ABCA1: variants seen among roughly 807,000 people sequenced by gnomAD.
ABCA1 encodes the protein phospholipid-transporting ATPase ABCA1.
A neutral mutation model predicts 262.5 loss-of-function variants in ABCA1; 133 were observed. That is an observed-to-expected ratio of 0.51 (90% confidence interval 0.44 to 0.59). ABCA1 has a LOEUF of 0.59. ABCA1 is among the 20% of genes least tolerant of loss of function. The probability of loss-of-function intolerance (pLI) is 0.00; values close to 1 mark genes in which losing one functional copy is unlikely to be tolerated. For missense variants in ABCA1, 2,452 were observed against 2,777.5 expected (o/e 0.88, Z 2.63); for synonymous variants, 1,022 against 1,043.5 (o/e 0.98, Z 0.40).
Position 104,840,453 on chromosome 9 carries a change from A to G in ABCA1, c.880T>C (p.Ser294Pro). The G allele has an allele frequency of 6.2e-6, 10 of 1,614,132 alleles. No individual in the cohort carries two copies. Among genetic ancestry groups the G allele is most frequent in the Non-Finnish European group, 8.5e-6 (10 of 1,180,036 alleles). Residue 294 changes from serine to proline, a missense_variant, in exon 9 of 50, where the codon TCC becomes CCC. Around this residue, in one of 4 missense-constraint regions of ABCA1, gnomAD observed 1,032 missense variants for 1,089.7 expected, o/e 0.95. Transcript: ENST00000374736. ...EVMFLTNVNS[S>P]SSSTQIYQAV... ...TGGTAGATTTGGGTGGAGGAGCTGG[A>G]GCTGTTCACATTGGTCAGAAACATC...
chr9:104,828,244 C>T (rs1017821836), intron 15 of ABCA1, among the ~76,000 whole-genome samples: 1 of 152,176 alleles, frequency 6.6e-6, no homozygotes, highest in Non-Finnish European at 1.5e-5. Flanking sequence ...CTTCCCAGGG[C>T]AGCCCACATC....
chr9:104,791,718 C>T (rs1405601304), intron 43 of ABCA1, among the ~76,000 whole-genome samples: 1 of 152,200 alleles, frequency 6.6e-6, no homozygotes, highest in Non-Finnish European at 1.5e-5. Context: ...AATCACTGCG[C>T]CCAGCCCCAT....
intron 5 of ABCA1, among the ~76,000 whole-genome samples, chr9:104,879,418 G>C (rs968762105): frequency 1.3e-5 from 2 of 152,180 alleles, no homozygotes; most frequent in Non-Finnish European, 2.9e-5. Flanking sequence ...TCAAGTCTTT[G>C]TCCCACAGTT....
chr9:104,825,754 G>A lies in ABCA1; in HGVS notation c.2471C>T (p.Ser824Leu), dbSNP rs551884479. The part of the protein sequence containing the change: ...VEEDGFNLTT[S>L]VSMMLFDTFL... ...GGTGTCAAACAGCATCATGGAGACC[G>A]AAGTGGTGAGATTGAAGCCATCTTC... The change falls in exon 17 of 50, where the codon TCG becomes TTG. Residue 824 changes from serine to leucine, a missense_variant. Physicochemically the swap from Ser to Leu is moderately radical, Grantham distance 145 (BLOSUM62 -2). Around this residue, in one of 4 missense-constraint regions of ABCA1, gnomAD observed 1,032 missense variants for 1,089.7 expected, o/e 0.95. Transcript: ENST00000374736. 46 of 1,614,178 alleles carry A rather than the reference G, an allele frequency of 2.8e-5. No individual in the cohort carries two copies. The highest frequency in any genetic ancestry group is 1.2e-4 in the Admixed American group (7 of 60,020).
chr9:104,861,025 G>T (rs1836335422), intron 6 of ABCA1, among the ~76,000 whole-genome samples: 1 of 152,076 alleles, frequency 6.6e-6, no homozygotes, highest in South Asian at 2.1e-4. Flanking sequence ...CAAAGTGCTG[G>T]GATTATAGAC....
chr9:104,882,918 A>T, intron 5 of ABCA1, 121 bp downstream of exon 5: 1 of 1,034,206 alleles, frequency 9.7e-7, no homozygotes, highest in South Asian at 1.3e-5. Context: ...CCAGCCACCA[A>T]GGAGAAAAAC....
rs1834280646 is a variant in ABCA1 at position 104,840,578 on chromosome 9, AG to A, written c.814-60del. On this transcript the variant is annotated intron_variant, in intron 8 of 49. Transcript: ENST00000374736. ...GGGGAAGGGAGAAAAGGGCAGTGCAAGGGTTGGGGATGAGAAGAGAAAGAAA... is the reference window on the plus strand; with the variant it reads ...GGGGAAGGGAGAAAAGGGCAGTGCAAGGTTGGGGATGAGAAGAGAAAGAAA... The A allele has an allele frequency of 2.2e-5, 33 of 1,514,220 alleles. No individual in the cohort carries two copies. The East Asian group carries it at 5.1e-4, about 23-fold the overall frequency. 93.8% of individuals were successfully genotyped at this position (1,514,220 alleles called of 1,614,324 possible). A position where few individuals can be genotyped will look rare whatever the true frequency, so the allele number is the denominator to read the frequency against.
At chr9:104,841,632 G>A (rs1308873864) in intron 8 of ABCA1, among the ~76,000 whole-genome samples, 3 of 148,760 alleles carry the variant, frequency 2.0e-5, no homozygotes, top group African/African-American at 7.5e-5. Context: ...TTATACCATG[G>A]CCTGGACACT....
intron 1 of ABCA1, among the ~76,000 whole-genome samples, chr9:104,906,653 G>C (rs1841165809): frequency 6.6e-6 from 1 of 150,996 alleles, no homozygotes; most frequent in Admixed American, 6.6e-5. Flanking sequence ...CCTAAGAGGA[G>C]AGTTTGGCAA....
intron 1 of ABCA1, among the ~76,000 whole-genome samples, chr9:104,925,421 G>A (rs1027008528): frequency 8.6e-5 from 13 of 151,408 alleles, no homozygotes; most frequent in African/African-American, 2.2e-4. Context: ...GCCTGCACTC[G>A]TAGAAATACG....
intron 2 of ABCA1, among the ~76,000 whole-genome samples, chr9:104,903,308 T>C (rs891618787): frequency 2.0e-5 from 3 of 152,148 alleles, no homozygotes; most frequent in Non-Finnish European, 4.4e-5. Context: ...CTCCCAGGGC[T>C]GCAGCAAAAG....
intron 3 of ABCA1, among the ~76,000 whole-genome samples, chr9:104,888,459 T>G (rs1839410879): frequency 6.6e-6 from 1 of 152,224 alleles, no homozygotes; most frequent in African/African-American, 2.4e-5. Context: ...AGGTAGGTAT[T>G]ACTATTCTCT....
intron 1 of ABCA1, among the ~76,000 whole-genome samples, chr9:104,914,372 G>T (rs1383583925): frequency 6.6e-6 from 1 of 151,646 alleles, no homozygotes; most frequent in Non-Finnish European, 1.5e-5. Flanking sequence ...CAGCTACTCA[G>T]GAGGCTGAGC....
chr9:104,910,483 A>G (rs1232765816), intron 1 of ABCA1, among the ~76,000 whole-genome samples: 2 of 152,196 alleles, frequency 1.3e-5, no homozygotes, highest in Non-Finnish European at 1.5e-5. Context: ...GTTCTATCCA[A>G]ATAGTTCACA....
chr9:104,789,816 G>A lies in ABCA1; in HGVS notation c.5927+1106C>T, dbSNP rs116383884. Reference sequence around the variant, plus strand: ...TCCACATAATAAGTCCAGAGAAGCCGGGCGCAGTGGCTCATGCCTGTAATC... The same window carrying A: ...TCCACATAATAAGTCCAGAGAAGCCAGGCGCAGTGGCTCATGCCTGTAATC... On this transcript the variant is annotated intron_variant, in intron 44 of 49. Transcript: ENST00000374736. Among the ~76,000 whole-genome samples, 631 of 152,188 alleles carry A rather than the reference G, an allele frequency of 4.1e-3. 2 individuals carry two copies. Among genetic ancestry groups the A allele is most frequent in the African/African-American group, 0.014 (574 of 41,522 alleles).
At chr9:104,905,943 T>C (rs1841098053) in intron 1 of ABCA1, among the ~76,000 whole-genome samples, 1 of 152,182 alleles carries the variant, frequency 6.6e-6, no homozygotes, top group South Asian at 2.1e-4. Flanking sequence ...TCTCTAAGCA[T>C]CAATTTCCTC....
Position 104,855,650 on chromosome 9 carries a change from C to A in ABCA1, c.720+2872G>T, listed in dbSNP as rs1333927157. 10 of 1,459,802 alleles carry A rather than the reference C, an allele frequency of 6.9e-6. No homozygotes were observed. The African/African-American group carries it at 1.3e-4, about 19-fold the overall frequency. The allele number at this position is 1,459,802 out of a possible 1,614,324, so 90.4% of individuals were successfully genotyped here. On this transcript the variant is annotated intron_variant, in intron 7 of 49. Transcript: ENST00000374736. ...TCATATGTGTAACCAATAATCACAA[C>A]AAAGAGTCAAATATATTATGTGTAT...
Position 104,840,451 on chromosome 9 carries a change from G to A in ABCA1, c.882C>T (p.Ser294=), listed in dbSNP as rs758791638. The A allele has an allele frequency of 3.1e-6, 5 of 1,614,144 alleles. No homozygotes were observed. The highest frequency in any genetic ancestry group is 4.2e-6 in the Non-Finnish European group (5 of 1,180,036). ...EVMFLTNVNS[S]SSSTQIYQAV... The stretch of plus-strand genomic sequence containing the variant: ...CCTGGTAGATTTGGGTGGAGGAGCT[G>A]GAGCTGTTCACATTGGTCAGAAACA... The change falls in exon 9 of 50, where the codon TCC becomes TCT. Residue 294 remains serine, a synonymous_variant. Coordinates refer to ENST00000374736, the MANE Select transcript of ABCA1 (RefSeq NM_005502.4).
intron 34 of ABCA1, 89 bp from the exon 35 acceptor site, chr9:104,800,673 C>T: frequency 8.4e-7 from 1 of 1,187,114 alleles, no homozygotes; most frequent in Non-Finnish European, 1.3e-6. Flanking sequence ...AACAGGACGG[C>T]CCTGTGAAGA....
Sources: allele counts gnomAD v4.1 joint callset (sites outside exome capture counted in the v4.1 genomes callset), GRCh38; gene constraint gnomAD v4.1.1; regional missense constraint gnomAD v4.1.1; transcripts MANE v1.5; gene names NCBI Gene and HGNC (gene_info 2026-07-23, HGNC 2026-07-21).